The following MTHFS variants were observed in gnomAD, a reference collection of about 807,000 sequenced individuals.
MTHFS encodes methenyltetrahydrofolate synthetase.
MTHFS carries 7 observed loss-of-function variants against 12.7 expected under a neutral mutation model. That is an observed-to-expected ratio of 0.55 (90% CI 0.31 to 1.03). MTHFS has a LOEUF of 1.03. Among genes scored for constraint, MTHFS ranks in the 50% least tolerant of loss-of-function variants. MTHFS has a pLI of 0.05. For synonymous variants in MTHFS, 100 were observed against 97.1 expected, an observed-to-expected ratio of 1.03 and a Z score of -0.18; for missense variants, 252 against 258.1, an observed-to-expected ratio of 0.98 and a Z score of 0.16.
In MTHFS at chr15:79,845,355, T is replaced by C; in HGVS notation, c.467A>G (p.Tyr156Cys). ...LGRGKGYYDA[Y>C]LKRCLQHQEV... ...CTGATGCTGCAAACAGCGCTTCAGA[T>C]AGGCATCATAGTAGCCCTTGCCCCT... is the stretch of plus-strand genomic sequence containing the variant. The change falls in exon 3 of 3, where the codon TAT (tyrosine) becomes TGT (cysteine). Residue 156 changes from tyrosine (Y) to cysteine (C), a missense_variant. Coordinates refer to ENST00000258874, the MANE Select transcript of MTHFS (RefSeq NM_006441.4). 1 of 1,614,194 alleles carries C rather than the reference T, an allele frequency of 6.2e-7. No individual in the cohort carries two copies. Among genetic ancestry groups the C allele is most frequent in the South Asian group, 1.1e-5 (1 of 91,084 alleles).
intron 2 of MTHFS, among the ~76,000 whole-genome samples, chr15:79,850,809 C>T (rs1004499469): frequency 6.6e-6 from 1 of 151,384 alleles, no homozygotes; most frequent in South Asian, 2.1e-4. Flanking sequence ...TAGTAGGCCT[C>T]GAAAAAAAAT....
intron 2 of MTHFS, among the ~76,000 whole-genome samples, chr15:79,874,726 C>T (rs181009380): frequency 6.6e-6 from 1 of 152,168 alleles, no homozygotes; most frequent in Admixed American, 6.5e-5. Flanking sequence ...CCGACATATT[C>T]CAGGGAATCT....
chr15:79,859,441 T>A (rs766223823), intron 2 of MTHFS, among the ~76,000 whole-genome samples: 2 of 152,222 alleles, frequency 1.3e-5, no homozygotes, highest in African/African-American at 2.4e-5. Flanking sequence ...CAAACATATA[T>A]AAGAATTTTG....
intron 1 of MTHFS, among the ~76,000 whole-genome samples, chr15:79,892,025 G>A (rs1596083809): frequency 6.6e-6 from 1 of 151,524 alleles, no homozygotes; most frequent in African/African-American, 2.4e-5. Flanking sequence ...ATATTGAATG[G>A]GGGCCATGGG....
chr15:79,856,782 A>G (rs1328639035), intron 2 of MTHFS, among the ~76,000 whole-genome samples: 2 of 146,148 alleles, frequency 1.4e-5, no homozygotes, highest in Admixed American at 1.3e-4. Flanking sequence ...ACAACAAAAA[A>G]AGAAAGAAAG....
chr15:79,895,926 A>G (rs2034559787), intron 1 of MTHFS, among the ~76,000 whole-genome samples: 1 of 152,228 alleles, frequency 6.6e-6, no homozygotes, highest in Admixed American at 6.5e-5. Flanking sequence ...AATTACAAAT[A>G]CGTACTTATT....
chr15:79,896,188 G>A (rs1241151981), intron 1 of MTHFS, among the ~76,000 whole-genome samples: 14 of 152,164 alleles, frequency 9.2e-5, no homozygotes, highest in Admixed American at 7.2e-4. Context: ...GGGAAGCCTG[G>A]ATATGATAGC....
At chr15:79,861,300 C>T (rs1014817213) in intron 2 of MTHFS, among the ~76,000 whole-genome samples, 1 of 152,170 alleles carries the variant, frequency 6.6e-6, no homozygotes, top group Non-Finnish European at 1.5e-5. Context: ...CCTTATCCAT[C>T]GTCCCCCTCC....
intron 2 of MTHFS, among the ~76,000 whole-genome samples, chr15:79,861,507 G>A (rs1040814003): frequency 2.0e-5 from 3 of 152,168 alleles, no homozygotes; most frequent in African/African-American, 7.2e-5. Flanking sequence ...TGATGAGTAC[G>A]TAAAGTGGCA....
intron 2 of MTHFS, among the ~76,000 whole-genome samples, chr15:79,888,049 A>C (rs1257862268): frequency 1.3e-5 from 2 of 152,152 alleles, no homozygotes; most frequent in African/African-American, 4.8e-5. Context: ...GCAACCACTT[A>C]AGTCTTAGTC....
At chr15:79,863,661 C>T (rs2033955810) in intron 2 of MTHFS, among the ~76,000 whole-genome samples, 1 of 152,214 alleles carries the variant, frequency 6.6e-6, no homozygotes, top group Non-Finnish European at 1.5e-5. Flanking sequence ...ACAAATGGGA[C>T]TTTCAAGGTG....
intron 2 of MTHFS, among the ~76,000 whole-genome samples, chr15:79,850,643 T>C (rs912365445): frequency 6.6e-6 from 1 of 152,124 alleles, no homozygotes; most frequent in Non-Finnish European, 1.5e-5. Flanking sequence ...GTAGACGCAG[T>C]GTCAAATGTG....
intron 1 of MTHFS, among the ~76,000 whole-genome samples, chr15:79,894,483 C>G (rs1236134868): frequency 1.3e-5 from 2 of 152,172 alleles, no homozygotes; most frequent in Non-Finnish European, 2.9e-5. Flanking sequence ...GTATTTATTA[C>G]TGAGGGTCAT....
At chr15:79,886,269 G>A (rs2034380818) in intron 2 of MTHFS, among the ~76,000 whole-genome samples, 2 of 152,188 alleles carry the variant, frequency 1.3e-5, no homozygotes, top group South Asian at 2.1e-4. Flanking sequence ...AAAGCTAGAT[G>A]TATGCTTAAG....
intron 2 of MTHFS, among the ~76,000 whole-genome samples, chr15:79,863,372 A>G (rs529764079): frequency 2.1e-4 from 32 of 152,108 alleles, no homozygotes; most frequent in African/African-American, 7.7e-4. Context: ...TCAATAACTA[A>G]CTCCCAGCAC....
At chr15:79,855,284 G>A (rs960642544) in intron 2 of MTHFS, among the ~76,000 whole-genome samples, 3 of 152,182 alleles carry the variant, frequency 2.0e-5, no homozygotes, top group African/African-American at 7.2e-5. Context: ...CTGCAGATAT[G>A]TAAAAATGCT....
At chr15:79,849,608 C>T (rs756721035) in intron 2 of MTHFS, among the ~76,000 whole-genome samples, 2 of 152,306 alleles carry the variant, frequency 1.3e-5, no homozygotes, top group South Asian at 4.1e-4. Flanking sequence ...AACCTTAGTC[C>T]GTGCACAGTT....
chr15:79,875,460 C>T (rs1415257469), intron 2 of MTHFS, among the ~76,000 whole-genome samples: 1 of 152,054 alleles, frequency 6.6e-6, no homozygotes, highest in Non-Finnish European at 1.5e-5. Flanking sequence ...AGACACAATG[C>T]CAAGACAATG....
chr15:79,847,627 G>A (rs370624943), intron 2 of MTHFS, among the ~76,000 whole-genome samples: 53 of 139,408 alleles, frequency 3.8e-4, no homozygotes, highest in Middle Eastern at 8.3e-3. Flanking sequence ...GAGCTATTGC[G>A]CCACTGCACT....
Sources: allele counts gnomAD v4.1 joint callset (sites outside exome capture counted in the v4.1 genomes callset), GRCh38; gene constraint gnomAD v4.1.1; transcripts MANE v1.5; gene names NCBI Gene and HGNC (gene_info 2026-07-23, HGNC 2026-07-21).